SNX29: variants seen among roughly 807,000 people sequenced by gnomAD.
SNX29 encodes sorting nexin-29.
In SNX29, 78 loss-of-function variants were observed where a neutral mutation model predicts 102.1. That is an observed-to-expected ratio of 0.76 (90% CI 0.64 to 0.92). The LOEUF (loss-of-function observed/expected upper bound fraction) is 0.92, where lower values mean the gene tolerates loss of function less well. SNX29 is among the 40% of genes least tolerant of loss of function. The pLI is 0.00. For missense variants in SNX29, 1,280 were observed against 1,061.7 expected (o/e 1.21, Z -2.86); for synonymous variants, 580 against 414.5 (o/e 1.40, Z -4.85).
rs1250147259 is a variant in SNX29 at position 12,125,599 on chromosome 16, ATC to A, written c.1403-1028_1403-1027del. 2.3e-4 allele frequency among the ~76,000 whole-genome samples: 11 copies of A among 47,608 alleles called. 1 individual carries two copies. Among genetic ancestry groups the A allele is most frequent in the South Asian group, 1.2e-3 (1 of 850 alleles). The allele number at this position is 47,608 out of a possible 152,430, so 31.2% of individuals were successfully genotyped here. A position where few individuals can be genotyped will look rare whatever the true frequency, so the allele number is the denominator to read the frequency against. On this transcript the variant is annotated intron_variant, in intron 11 of 20. Coordinates refer to ENST00000566228, the MANE Select transcript of SNX29 (RefSeq NM_032167.5). ...CCTGCAAGGGGGGCTTGTGGCTGAG[ATC>A]TCTCTTTTTTTTTTTTTTTTTTTTT...
rs2080568136 is a variant in SNX29, at chr16:12,311,925, G to T, written c.1782+33889G>T. ...AAAAGTATGAAGTGGTAGGTGTGGG[G>T]TGGGTAGGCAGCTCTTTTCCATGAG... On this transcript the variant is annotated intron_variant, in intron 15 of 20. Transcript: ENST00000566228. Among the ~76,000 whole-genome samples, 7 of 152,176 alleles carry T rather than the reference G, an allele frequency of 4.6e-5. 1 individual carries two copies. Among genetic ancestry groups the T allele is most frequent in the Non-Finnish European group, 8.8e-5 (6 of 68,026 alleles).
chr16:12,202,703 T>C (rs991639743), intron 14 of SNX29, among the ~76,000 whole-genome samples: 2 of 152,250 alleles, frequency 1.3e-5, no homozygotes, highest in African/African-American at 4.8e-5. Context: ...ATCCTCCTCC[T>C]CTCCTTTCAC....
At chr16:12,291,140 C>T (rs183046830) in intron 15 of SNX29, among the ~76,000 whole-genome samples, 10 of 152,180 alleles carry the variant, frequency 6.6e-5, no homozygotes, top group Admixed American at 6.5e-4. Context: ...TTAGTGCTTT[C>T]CTCTTCCCTT....
rs143955020 is a variant in SNX29 at position 12,046,719 on chromosome 16, A to G, written c.499+265A>G. Reference sequence around the variant, plus strand: ...ACTGCAACCTCCGCCTCCTGGGTTCAAGTCATTTTCCTGTCTCAACCTTCC... The same window carrying G: ...ACTGCAACCTCCGCCTCCTGGGTTCGAGTCATTTTCCTGTCTCAACCTTCC... On this transcript the variant is annotated intron_variant, in intron 6 of 20. Coordinates refer to ENST00000566228, the MANE Select transcript of SNX29 (RefSeq NM_032167.5). Among the ~76,000 whole-genome samples, 1,493 of 152,320 alleles carry G rather than the reference A, an allele frequency of 9.8e-3. 20 individuals carry two copies. Among genetic ancestry groups the G allele is most frequent in the African/African-American group, 0.033 (1,392 of 41,564 alleles).
At chr16:12,276,303 G>A (rs951873044) in intron 14 of SNX29, among the ~76,000 whole-genome samples, 2 of 152,124 alleles carry the variant, frequency 1.3e-5, no homozygotes, top group Admixed American at 1.3e-4. Context: ...ACTGTTTGGG[G>A]TTATCTGTTG....
intron 20 of SNX29, among the ~76,000 whole-genome samples, chr16:12,539,393 G>C (rs2077222083): frequency 6.6e-6 from 1 of 151,992 alleles, no homozygotes; most frequent in South Asian, 2.1e-4. Context: ...CTTTCAGCAT[G>C]TGTGAGAACC....
intron 19 of SNX29, among the ~76,000 whole-genome samples, chr16:12,493,735 G>A (rs1372756192): frequency 6.6e-6 from 1 of 152,166 alleles, no homozygotes; most frequent in Admixed American, 6.5e-5. Context: ...GGGACTATAG[G>A]CGCATGCCAC....
rs139389707 is a variant in SNX29 at position 12,041,358 on chromosome 16, C to T, written c.248-1539C>T. 1.1e-4 allele frequency among the ~76,000 whole-genome samples: 17 copies of T among 152,282 alleles called. No homozygotes were observed. In the East Asian group the frequency reaches 2.7e-3, roughly 24 times the overall value. Reference sequence around the variant, plus strand: ...AACCCCTGACCTCAGATGATCCGCTCGCATCGGCCTCCCGGAGTGCTGAGA... The same window carrying T: ...AACCCCTGACCTCAGATGATCCGCTTGCATCGGCCTCCCGGAGTGCTGAGA... On this transcript the variant is annotated intron_variant, in intron 4 of 20. Transcript: ENST00000566228.
At chr16:12,050,757 A>C (rs896367445) in intron 7 of SNX29, among the ~76,000 whole-genome samples, 1 of 151,906 alleles carries the variant, frequency 6.6e-6, no homozygotes, top group African/African-American at 2.4e-5. Context: ...TGTCACCCAG[A>C]CTGGAGTGCA....
intron 14 of SNX29, among the ~76,000 whole-genome samples, chr16:12,202,515 G>A (rs2076937725): frequency 6.6e-6 from 1 of 152,166 alleles, no homozygotes. Context: ...TAGAACCTTG[G>A]TGCAAGGGCT....
At chr16:12,389,416 T>A (rs1256937666) in intron 16 of SNX29, among the ~76,000 whole-genome samples, 1 of 152,144 alleles carries the variant, frequency 6.6e-6, no homozygotes, top group East Asian at 1.9e-4. Context: ...TCATGAGATC[T>A]GAGGGTTTTA....
chr16:12,568,230 T>C (rs187643267), intron 20 of SNX29, among the ~76,000 whole-genome samples: 3 of 150,364 alleles, frequency 2.0e-5, no homozygotes, highest in African/African-American at 7.3e-5. Flanking sequence ...AGCCTTAAAA[T>C]GTAGACCGGA....
intron 12 of SNX29, among the ~76,000 whole-genome samples, chr16:12,127,497 C>T (rs904511403): frequency 1.3e-5 from 2 of 149,532 alleles, no homozygotes; most frequent in Admixed American, 1.3e-4. Flanking sequence ...TCTCTGCTCA[C>T]TGCAACCTCC....
intron 18 of SNX29, among the ~76,000 whole-genome samples, chr16:12,432,530 A>C (rs1289275845): frequency 2.0e-5 from 3 of 152,190 alleles, no homozygotes; most frequent in African/African-American, 7.2e-5. Flanking sequence ...AAGGCTGGGC[A>C]GGGCATCCTA....
chr16:12,566,296 C>G (rs558343634), intron 20 of SNX29, among the ~76,000 whole-genome samples: 1 of 152,188 alleles, frequency 6.6e-6, no homozygotes, highest in Non-Finnish European at 1.5e-5. Context: ...GACAGAGACA[C>G]GTGCCTCCAA....
intron 18 of SNX29, among the ~76,000 whole-genome samples, chr16:12,474,616 C>A (rs557693042): frequency 1.3e-5 from 2 of 152,310 alleles, no homozygotes; most frequent in East Asian, 1.9e-4. Flanking sequence ...TTATCACTCA[C>A]AGGAGAGAGA....
At chr16:12,487,741 C>T (rs193129594) in intron 19 of SNX29, among the ~76,000 whole-genome samples, 16 of 152,182 alleles carry the variant, frequency 1.1e-4, no homozygotes, top group South Asian at 1.0e-3. Context: ...CACCATCCCC[C>T]GCAACTGCTA....
At chr16:12,559,151 G>T (rs1377616778) in intron 20 of SNX29, among the ~76,000 whole-genome samples, 5 of 152,014 alleles carry the variant, frequency 3.3e-5, no homozygotes, top group Admixed American at 1.3e-4. Context: ...CCAACCCCTG[G>T]CCCAGTACCA....
chr16:12,543,597 C>G (rs574348125), intron 20 of SNX29, among the ~76,000 whole-genome samples: 9 of 152,022 alleles, frequency 5.9e-5, no homozygotes, highest in East Asian at 1.9e-4. Flanking sequence ...CCAGTTCATC[C>G]TCCCCGATGG....
Sources: allele counts gnomAD v4.1 joint callset (sites outside exome capture counted in the v4.1 genomes callset), GRCh38; gene constraint gnomAD v4.1.1; transcripts MANE v1.5; gene names NCBI Gene and HGNC (gene_info 2026-07-23, HGNC 2026-07-21).